Variants in LAMC1 observed in about 807,000 individuals in gnomAD.
The protein encoded by LAMC1 is laminin subunit gamma-1.
In LAMC1, 38 loss-of-function variants were observed where a neutral mutation model predicts 173.6. The observed-to-expected ratio is 0.22, with a 90% CI of 0.17 to 0.29. LAMC1 has a LOEUF of 0.29. LAMC1 is among the 10% of genes least tolerant of loss of function. The pLI is 1.00. For missense variants in LAMC1, 1,824 were observed against 2,051.8 expected, an observed-to-expected ratio of 0.89 and a Z score of 2.14; for synonymous variants, 746 against 749.1, an observed-to-expected ratio of 1.00 and a Z score of 0.07.
intron 1 of LAMC1, among the ~76,000 whole-genome samples, chr1:183,076,691 TC>T (rs1386451300): frequency 2.6e-5 from 4 of 152,208 alleles, no homozygotes; most frequent in Admixed American, 6.5e-5. Flanking sequence ...CAAGACAAAG[TC>T]CGTCTGCCAC....
chr1:183,062,287 A>G (rs1654762257), intron 1 of LAMC1, among the ~76,000 whole-genome samples: 2 of 152,230 alleles, frequency 1.3e-5, no homozygotes. Context: ...TCAGAACATG[A>G]TAAAAATTAC....
chr1:183,023,932 G>T lies in LAMC1; in HGVS notation c.216G>T (p.Pro72=). 1 of 1,613,224 alleles carries T rather than the reference G, an allele frequency of 6.2e-7. No homozygotes were observed. Among genetic ancestry groups the T allele is most frequent in the East Asian group, 2.2e-5 (1 of 44,858 alleles). Residue 72 remains proline, a synonymous_variant, in exon 1 of 28, where the codon CCG becomes CCT. Transcript: ENST00000258341. ...TVVATNTCGT[P]PEEYCVQTGV... Reference sequence around the variant, plus strand: ...TGGCCACCAACACGTGTGGGACTCCGCCCGAGGAATACTGTGTGCAGACCG... The same window carrying T: ...TGGCCACCAACACGTGTGGGACTCCTCCCGAGGAATACTGTGTGCAGACCG...
At chr1:183,057,914 A>G (rs972875096) in intron 1 of LAMC1, among the ~76,000 whole-genome samples, 6 of 152,088 alleles carry the variant, frequency 3.9e-5, no homozygotes, top group African/African-American at 1.4e-4. Flanking sequence ...CATATTATAT[A>G]TTTTTATGTG....
At chr1:183,115,846 T>C (rs1656303559) in intron 6 of LAMC1, among the ~76,000 whole-genome samples, 2 of 152,164 alleles carry the variant, frequency 1.3e-5, no homozygotes, top group South Asian at 4.1e-4. Context: ...TATCTTAAAC[T>C]GAAACCAAAT....
At chr1:183,094,535 C>G (rs545773833) in intron 1 of LAMC1, among the ~76,000 whole-genome samples, 1 of 152,314 alleles carries the variant, frequency 6.6e-6, no homozygotes, top group South Asian at 2.1e-4. Flanking sequence ...CAGGGACTGA[C>G]ACATAGTAGG....
At chr1:183,038,576 GTT>G (rs1331166636) in intron 1 of LAMC1, among the ~76,000 whole-genome samples, 3 of 152,064 alleles carry the variant, frequency 2.0e-5, no homozygotes, top group African/African-American at 7.2e-5. Context: ...CAAGAAAAGA[GTT>G]TTGCAGTTTT....
chr1:183,044,659 T>C (rs1654219693), intron 1 of LAMC1, among the ~76,000 whole-genome samples: 1 of 152,112 alleles, frequency 6.6e-6, no homozygotes, highest in African/African-American at 2.4e-5. Flanking sequence ...ACGGAGCTAT[T>C]TCCTCAAGAT....
chr1:183,121,634 G>A, intron 11 of LAMC1, 89 bp from the exon 12 acceptor site: 2 of 1,089,850 alleles, frequency 1.8e-6, no homozygotes, highest in Non-Finnish European at 2.6e-6. Context: ...CTGGAATTTG[G>A]GGTCTAGTTA....
At chr1:183,117,050 C>A in intron 8 of LAMC1, 147 bp downstream of exon 8, 8 of 863,796 alleles carry the variant, frequency 9.3e-6, no homozygotes, top group South Asian at 6.1e-5. Context: ...TGTAGTTTGG[C>A]CTTTTAATTT....
In LAMC1 at chr1:183,114,591, C is replaced by T. The variant is rs1370816215; in HGVS notation, c.1082C>T (p.Thr361Ile). 9.9e-6 allele frequency: 16 copies of T among 1,614,212 alleles called. No homozygotes were observed. Among genetic ancestry groups the T allele is most frequent in the African/African-American group, 5.3e-5 (4 of 75,046 alleles). ...CYFDPELYRS[T>I]GHGGHCTNCQ... ...TTCGACCCTGAACTCTATCGTTCCA[C>T]TGGCCATGGGGGCCACTGTACCAAC... Residue 361 changes from threonine (T) to isoleucine (I), a missense_variant, in exon 5 of 28, where the codon ACT becomes ATT. Thr to Ile is a moderately conservative substitution (Grantham distance 89, BLOSUM62 -1). Transcript: ENST00000258341.
intron 1 of LAMC1, among the ~76,000 whole-genome samples, chr1:183,100,617 G>A (rs553990613): frequency 6.6e-6 from 1 of 152,306 alleles, no homozygotes; most frequent in African/African-American, 2.4e-5. Context: ...CCTCTAGGAA[G>A]CATTTCTTGA....
chr1:183,119,445 T>C (rs997880745), intron 11 of LAMC1, among the ~76,000 whole-genome samples: 1 of 152,144 alleles, frequency 6.6e-6, no homozygotes, highest in Non-Finnish European at 1.5e-5. Context: ...TGTCAACATA[T>C]GGGCAATAAT....
intron 3 of LAMC1, among the ~76,000 whole-genome samples, chr1:183,109,325 G>A (rs1424012555): frequency 6.6e-6 from 1 of 152,180 alleles, no homozygotes; most frequent in Admixed American, 6.5e-5. Flanking sequence ...GGTAAAAATA[G>A]TATACAATTG....
intron 1 of LAMC1, among the ~76,000 whole-genome samples, chr1:183,055,473 TA>T (rs34551793): frequency 0.2 from 29,544 of 147,278 alleles, 3,778 homozygotes; most frequent in Middle Eastern, 0.33. Context: ...CCCTATTGTG[TA>T]AAAAAAAAAA....
chr1:183,117,690 A>T lies in LAMC1; in HGVS notation c.1844A>T (p.Tyr615Phe). 1 of 1,614,212 alleles carries T rather than the reference A, an allele frequency of 6.2e-7. No individual in the cohort carries two copies. Among genetic ancestry groups the T allele is most frequent in the Non-Finnish European group, 8.5e-7 (1 of 1,180,022 alleles). ...SVPLIAQGNS[Y>F]PSETTVKYVF... is the part of the protein sequence containing the mutation. ...CCCTTGATCGCTCAGGGCAATTCCT[A>T]TCCAAGTGAGACCACTGTGAAGTAT... is the stretch of plus-strand genomic sequence containing the variant. Residue 615 changes from tyrosine (Y) to phenylalanine (F), a missense_variant, in exon 10 of 28, where the codon TAT (tyrosine) becomes TTT (phenylalanine). Transcript: ENST00000258341.
intron 1 of LAMC1, among the ~76,000 whole-genome samples, chr1:183,033,817 G>A (rs1470889255): frequency 6.6e-6 from 1 of 151,954 alleles, no homozygotes; most frequent in African/African-American, 2.4e-5. Flanking sequence ...TCAGCCTCCC[G>A]AGTAGCTGGG....
intron 1 of LAMC1, among the ~76,000 whole-genome samples, chr1:183,087,869 A>G (rs1299340735): frequency 3.3e-5 from 5 of 150,248 alleles, no homozygotes; most frequent in Admixed American, 6.7e-5. Context: ...GCTGGAGTGC[A>G]ATGGTGCGAT....
intron 1 of LAMC1, among the ~76,000 whole-genome samples, chr1:183,095,647 C>T (rs923059285): frequency 3.9e-5 from 6 of 152,156 alleles, no homozygotes; most frequent in Non-Finnish European, 5.9e-5. Flanking sequence ...TCAGCTTACA[C>T]GAGTGGGGGT....
intron 1 of LAMC1, among the ~76,000 whole-genome samples, chr1:183,097,414 T>C (rs1171418711): frequency 6.6e-6 from 1 of 152,226 alleles, no homozygotes; most frequent in Non-Finnish European, 1.5e-5. Context: ...TTTGATACTT[T>C]AGAATGAACT....
Sources: gnomAD v4.1 joint callset for allele counts (sites outside exome capture counted in the v4.1 genomes callset) on GRCh38, gnomAD v4.1.1 for gene constraint, MANE v1.5 for transcripts, NCBI Gene and HGNC (gene_info 2026-07-23, HGNC 2026-07-21) for gene names.